CNTNAP5: variants seen among roughly 807,000 people sequenced by gnomAD.
CNTNAP5 encodes the protein contactin associated protein family member 5.
Under a neutral mutation model 150.2 loss-of-function variants are expected in CNTNAP5, and 72 were observed. The ratio of observed to expected loss-of-function variants is 0.48; its 90% confidence interval spans 0.40 to 0.58. The LOEUF (loss-of-function observed/expected upper bound fraction) is 0.58, where lower values mean the gene tolerates loss of function less well. Among genes scored for constraint, CNTNAP5 ranks in the 20% least tolerant of loss-of-function variants. The probability of loss-of-function intolerance (pLI) is 0.00; values close to 1 mark genes in which losing one functional copy is unlikely to be tolerated. For synonymous variants in CNTNAP5, 672 were observed against 619.8 expected (o/e 1.08, Z -1.25); for missense variants, 1,636 against 1,626.2 (o/e 1.01, Z -0.10).
At chr2:124,606,412 A>T (rs1010421334) in intron 11 of CNTNAP5, among the ~76,000 whole-genome samples, 1 of 152,320 alleles carries the variant, frequency 6.6e-6, no homozygotes, top group East Asian at 1.9e-4. Context: ...CTATTTAGTC[A>T]TTCCAGTCAA....
chr2:124,096,270 A>G (rs563118456), intron 1 of CNTNAP5, among the ~76,000 whole-genome samples: 1 of 152,184 alleles, frequency 6.6e-6, no homozygotes, highest in Admixed American at 6.5e-5. Context: ...AATTTTTTTC[A>G]TATTTTATAT....
intron 3 of CNTNAP5, among the ~76,000 whole-genome samples, chr2:124,374,001 A>G (rs1690589894): frequency 6.6e-6 from 1 of 152,022 alleles, no homozygotes; most frequent in African/African-American, 2.4e-5. Flanking sequence ...GTACATGTAT[A>G]TATGTGTGCA....
chr2:124,170,852 C>T (rs940204773), intron 1 of CNTNAP5, among the ~76,000 whole-genome samples: 9 of 151,942 alleles, frequency 5.9e-5, no homozygotes, highest in African/African-American at 2.2e-4. Context: ...GTGGAAAGAC[C>T]GTGTTCACAG....
At chr2:124,597,185 A>T (rs1696848271) in intron 11 of CNTNAP5, among the ~76,000 whole-genome samples, 1 of 148,202 alleles carries the variant, frequency 6.7e-6, no homozygotes, top group Non-Finnish European at 1.5e-5. Context: ...TCCTGTCATT[A>T]TGATGTTAGC....
At position 124,916,741 on chromosome 2, in the gene CNTNAP5, A is replaced by G. The variant is rs1385452145; in HGVS notation, c.*2453A>G. On this transcript the variant is annotated 3_prime_UTR_variant, in exon 24 of 24. Transcript: ENST00000682447. Reference sequence around the variant, plus strand: ...CAATGGCACTACAAAATCAACTGGCATCTTCCTCACGTGTGTAGACTCCAT... The same window carrying G: ...CAATGGCACTACAAAATCAACTGGCGTCTTCCTCACGTGTGTAGACTCCAT... Among the ~76,000 whole-genome samples the G allele has an allele frequency of 1.3e-5, 2 of 152,102 alleles. No individual in the cohort carries two copies. The highest frequency in any genetic ancestry group is 6.6e-5 in the Admixed American group (1 of 15,260).
At chr2:124,829,357 T>C (rs1337009776) in intron 19 of CNTNAP5, among the ~76,000 whole-genome samples, 3 of 152,196 alleles carry the variant, frequency 2.0e-5, no homozygotes, top group Non-Finnish European at 4.4e-5. Context: ...GAAGACTCTT[T>C]CCTTAGGAAG....
intron 10 of CNTNAP5, among the ~76,000 whole-genome samples, chr2:124,535,759 G>A (rs1695216850): frequency 6.6e-6 from 1 of 152,014 alleles, no homozygotes; most frequent in Admixed American, 6.6e-5. Flanking sequence ...AGTGCAGACA[G>A]AGCAAGACTC....
intron 13 of CNTNAP5, among the ~76,000 whole-genome samples, chr2:124,737,635 C>T (rs1450221331): frequency 2.0e-5 from 3 of 152,150 alleles, no homozygotes; most frequent in Admixed American, 2.0e-4. Context: ...AAATTTCAAT[C>T]AGAGGTAAAT....
At chr2:124,708,049 T>G (rs1204662785) in intron 13 of CNTNAP5, among the ~76,000 whole-genome samples, 1 of 152,244 alleles carries the variant, frequency 6.6e-6, no homozygotes, top group Admixed American at 6.5e-5. Context: ...TTTTGTTCAC[T>G]GTTGCTTTCT....
chr2:124,500,751 C>G (rs17011578), intron 7 of CNTNAP5, among the ~76,000 whole-genome samples: 12,011 of 152,114 alleles, frequency 0.079, 662 homozygotes, highest in South Asian at 0.18. Context: ...ATCTTTGGCC[C>G]AGCACTTCTG....
At chr2:124,319,497 A>G (rs1689048608) in intron 3 of CNTNAP5, among the ~76,000 whole-genome samples, 1 of 152,232 alleles carries the variant, frequency 6.6e-6, no homozygotes, top group Admixed American at 6.5e-5. Context: ...ACTGGGGTAT[A>G]TTTGACTCTT....
At chr2:124,072,278 T>C (rs1682324762) in intron 1 of CNTNAP5, among the ~76,000 whole-genome samples, 1 of 134,278 alleles carries the variant, frequency 7.4e-6, no homozygotes, top group African/African-American at 2.7e-5. Context: ...TACTGAATAA[T>C]GGAAAAAAAA....
At chr2:124,227,635 T>C (rs943574834) in intron 2 of CNTNAP5, among the ~76,000 whole-genome samples, 1 of 128,812 alleles carries the variant, frequency 7.8e-6, no homozygotes, top group Non-Finnish European at 1.6e-5. Flanking sequence ...CAGCACATCG[T>C]GTGTATGTGT....
intron 7 of CNTNAP5, among the ~76,000 whole-genome samples, chr2:124,496,987 T>G (rs1400955386): frequency 6.6e-6 from 1 of 152,174 alleles, no homozygotes; most frequent in Non-Finnish European, 1.5e-5. Context: ...GTTTTATTCT[T>G]CCCAGGTGAC....
At chr2:124,083,999 G>A (rs541374778) in intron 1 of CNTNAP5, among the ~76,000 whole-genome samples, 93 of 151,936 alleles carry the variant, frequency 6.1e-4, no homozygotes, top group African/African-American at 2.0e-3. Context: ...GTACTATATT[G>A]AATTTTCTAA....
At chr2:124,864,991 TAACTC>T (rs1276385840) in intron 19 of CNTNAP5, among the ~76,000 whole-genome samples, 1 of 152,086 alleles carries the variant, frequency 6.6e-6, no homozygotes, top group Non-Finnish European at 1.5e-5. Flanking sequence ...GAAAAGATCT[TAACTC>T]TACCTTATTA....
chr2:124,877,753 A>G (rs1677889253), intron 21 of CNTNAP5, among the ~76,000 whole-genome samples: 1 of 152,102 alleles, frequency 6.6e-6, no homozygotes, highest in African/African-American at 2.4e-5. Flanking sequence ...TATGCTAAAT[A>G]TTAGATTTTC....
chr2:124,216,147 C>T (rs917966989), intron 1 of CNTNAP5, among the ~76,000 whole-genome samples: 1 of 152,146 alleles, frequency 6.6e-6, no homozygotes, highest in Non-Finnish European at 1.5e-5. Flanking sequence ...AGTATTTAAA[C>T]AGCTACTGGA....
At chr2:124,083,189 A>T (rs1682597992) in intron 1 of CNTNAP5, among the ~76,000 whole-genome samples, 1 of 152,156 alleles carries the variant, frequency 6.6e-6, no homozygotes. Context: ...CTCTACTAAA[A>T]ATACAAAAAT....
Sources: allele counts gnomAD v4.1 joint callset (sites outside exome capture counted in the v4.1 genomes callset), GRCh38; gene constraint gnomAD v4.1.1; transcripts MANE v1.5; gene names NCBI Gene and HGNC (gene_info 2026-07-23, HGNC 2026-07-21).